The following GRM1 variants were observed in gnomAD, a reference collection of about 807,000 sequenced individuals.
GRM1 encodes the protein glutamate metabotropic receptor 1, also known as metabotropic glutamate receptor 1.
In GRM1, 33 loss-of-function variants were observed where a neutral mutation model predicts 90.9. The ratio of observed to expected loss-of-function variants is 0.36; its 90% CI spans 0.28 to 0.49. The LOEUF (loss-of-function observed/expected upper bound fraction) is 0.49, where lower values mean the gene tolerates loss of function less well. Among genes scored for constraint, GRM1 ranks in the 20% least tolerant of loss-of-function variants. The probability of loss-of-function intolerance (pLI) is 0.99; values close to 1 mark genes in which losing one functional copy is unlikely to be tolerated. For missense variants in GRM1, 1,190 were observed against 1,534.3 expected (o/e 0.78, Z 3.75); for synonymous variants, 700 against 613.2 (o/e 1.14, Z -2.09).
At position 146,263,754 on chromosome 6, in the gene GRM1, T is replaced by C. The variant is rs552713083; in HGVS notation, c.951-40857T>C. 5.3e-5 allele frequency among the ~76,000 whole-genome samples: 8 copies of C among 152,228 alleles called. No individual in the cohort carries two copies. The South Asian group carries it at 1.7e-3, about 32-fold the overall frequency. On this transcript the variant is annotated intron_variant, in intron 2 of 7. Coordinates refer to ENST00000282753, the MANE Select transcript of GRM1 (RefSeq NM_001278064.2). ...TAACAGAATGGCTAGTTTAATCTAT[T>C]ATACAAATCTAAGTACACATTTATA...
At chr6:146,151,272 C>A (rs1263634626) in intron 1 of GRM1, among the ~76,000 whole-genome samples, 1 of 152,140 alleles carries the variant, frequency 6.6e-6, no homozygotes, top group Non-Finnish European at 1.5e-5. Flanking sequence ...AGTGTACAAA[C>A]AAATATCTAC....
chr6:146,133,769 C>T (rs1776500361), intron 1 of GRM1, among the ~76,000 whole-genome samples: 1 of 152,318 alleles, frequency 6.6e-6, no homozygotes, highest in South Asian at 2.1e-4. Flanking sequence ...TCCTTGGCAA[C>T]ATGACGCCTC....
chr6:146,036,074 T>C (rs1790880649), intron 1 of GRM1, among the ~76,000 whole-genome samples: 1 of 152,028 alleles, frequency 6.6e-6, no homozygotes, highest in Non-Finnish European at 1.5e-5. Flanking sequence ...GTAGCCATCC[T>C]TCTACAAGTA....
At chr6:146,119,701 C>A (rs371303111) in intron 1 of GRM1, among the ~76,000 whole-genome samples, 1 of 152,078 alleles carries the variant, frequency 6.6e-6, no homozygotes, top group African/African-American at 2.4e-5. Context: ...ATAGGGAATC[C>A]TTTCTCTATT....
In GRM1 at chr6:146,217,118, A is replaced by G. The variant is rs921768871; in HGVS notation, c.950+57521A>G. On this transcript the variant is annotated intron_variant, in intron 2 of 7. Coordinates refer to ENST00000282753, the MANE Select transcript of GRM1 (RefSeq NM_001278064.2). ...TAATTTGAGAAGACAAGCATATATA[A>G]TTACCTAGTTATATTGATTCTTATA... is the stretch of plus-strand genomic sequence containing the variant. 4.6e-5 allele frequency among the ~76,000 whole-genome samples: 7 copies of G among 152,200 alleles called. 1 individual carries two copies. Among genetic ancestry groups the G allele is most frequent in the African/African-American group, 1.7e-4 (7 of 41,458 alleles).
Position 146,029,781 on chromosome 6 carries a change from G to A in GRM1, c.264G>A (p.Lys88=), listed in dbSNP as rs145861054. Residue 88 remains lysine (K), a synonymous_variant, in exon 1 of 8, where the codon AAG becomes AAA. Transcript: ENST00000282753. The part of the protein sequence containing the change: ...RVEAMFHTLD[K]INADPVLLPN... The stretch of plus-strand genomic sequence containing the variant: ...AGGCCATGTTCCACACGTTGGATAA[G>A]ATCAACGCGGACCCGGTCCTCCTGC... 175 of 1,614,082 alleles carry A rather than the reference G, an allele frequency of 1.1e-4. 1 individual carries two copies. In the African/African-American group the frequency reaches 2.0e-3, roughly 18 times the overall value.
intron 1 of GRM1, among the ~76,000 whole-genome samples, chr6:146,074,627 A>G (rs1016608800): frequency 6.6e-6 from 1 of 152,176 alleles, no homozygotes; most frequent in Admixed American, 6.6e-5. Context: ...TTATTAATAA[A>G]TTGTTGTTTG....
chr6:146,357,581 G>T lies in GRM1; in HGVS notation c.1489G>T (p.Val497Phe), dbSNP rs757559798. 1.9e-6 allele frequency: 3 copies of T among 1,613,538 alleles called. No homozygotes were observed. Among genetic ancestry groups the T allele is most frequent in the Non-Finnish European group, 1.7e-6 (2 of 1,179,546 alleles). The change falls in exon 5 of 8, where the codon GTT becomes TTT. Residue 497 changes from valine to phenylalanine, a missense_variant. Transcript: ENST00000282753. ...AGCTAATCGCTATGACTATGTGCAC[G>T]TTGGAACCTGGCATGAAGGAGTGCT... ...TEANRYDYVH[V>F]GTWHEGVLNI...
At chr6:146,429,814 C>T (rs760425251) in intron 7 of GRM1, among the ~76,000 whole-genome samples, 8 of 152,162 alleles carry the variant, frequency 5.3e-5, no homozygotes, top group Non-Finnish European at 1.0e-4. Flanking sequence ...AAATGCTACC[C>T]TCCTCAGGTT....
chr6:146,254,247 G>A (rs562106003), intron 2 of GRM1, among the ~76,000 whole-genome samples: 1 of 151,982 alleles, frequency 6.6e-6, no homozygotes, highest in Admixed American at 6.5e-5. Flanking sequence ...AGCTGTTCCT[G>A]TTTTTCCTCT....
intron 1 of GRM1, among the ~76,000 whole-genome samples, chr6:146,122,664 A>G (rs1776033315): frequency 6.6e-6 from 1 of 151,828 alleles, no homozygotes; most frequent in Admixed American, 6.6e-5. Flanking sequence ...TATCATTCTG[A>G]TATTTGGTAT....
chr6:146,106,525 C>T (rs578013919), intron 1 of GRM1, among the ~76,000 whole-genome samples: 4 of 152,286 alleles, frequency 2.6e-5, no homozygotes, highest in East Asian at 1.9e-4. Flanking sequence ...TAGTGTCCCA[C>T]GTGACACATC....
intron 2 of GRM1, among the ~76,000 whole-genome samples, chr6:146,180,464 A>T (rs1778508333): frequency 6.6e-6 from 1 of 152,176 alleles, no homozygotes; most frequent in African/African-American, 2.4e-5. Flanking sequence ...CTCTTTTAAA[A>T]GCAGAGGAAC....
At position 146,434,619 on chromosome 6, in the gene GRM1, A is replaced by C; in HGVS notation, c.3408A>C (p.Lys1136Asn). ...EEEEDLQAASKLTPDDSPALT... is the reference protein window; with the variant it reads ...EEEEDLQAASNLTPDDSPALT... The stretch of plus-strand genomic sequence containing the variant: ...AGGAGGACCTGCAGGCGGCCAGCAA[A>C]CTGACCCCGGATGATTCGCCTGCGC... Residue 1136 changes from lysine (K) to asparagine (N), a missense_variant, in exon 8 of 8, where the codon AAA becomes AAC. Physicochemically the swap from Lys to Asn is moderately conservative, Grantham distance 94. Coordinates refer to ENST00000282753, the MANE Select transcript of GRM1 (RefSeq NM_001278064.2). The C allele has an allele frequency of 1.2e-6, 2 of 1,612,750 alleles. No individual in the cohort carries two copies. The highest frequency in any genetic ancestry group is 2.2e-5 in the South Asian group (2 of 91,084).
In GRM1 at chr6:146,072,983, G is replaced by A. The variant is rs139875920; in HGVS notation, c.700+42766G>A. 9.0e-4 allele frequency among the ~76,000 whole-genome samples: 137 copies of A among 152,202 alleles called. 1 individual carries two copies. In the East Asian group the frequency reaches 0.023, roughly 26 times the overall value. On this transcript the variant is annotated intron_variant, in intron 1 of 7. Transcript: ENST00000282753. ...TGCACAGGGGTCTCAGTGGCCACCT[G>A]AATATGTATACTCAGATGCTTACAC...
intron 2 of GRM1, among the ~76,000 whole-genome samples, chr6:146,270,920 C>CTTT (rs1782124976): frequency 1.6e-5 from 1 of 63,756 alleles, no homozygotes; most frequent in African/African-American, 6.5e-5. Flanking sequence ...TTTCTTCCTT[C>CTTT]CTTCCTTCCT....
At chr6:146,313,549 G>C (rs901235535) in intron 3 of GRM1, among the ~76,000 whole-genome samples, 1 of 152,006 alleles carries the variant, frequency 6.6e-6, no homozygotes, top group African/African-American at 2.4e-5. Context: ...TGTATTTCAC[G>C]CCTTGTATAC....
chr6:146,214,868 G>A (rs1021759878), intron 2 of GRM1, among the ~76,000 whole-genome samples: 1 of 152,168 alleles, frequency 6.6e-6, no homozygotes, highest in Non-Finnish European at 1.5e-5. Flanking sequence ...AAAGGCATGA[G>A]AGATGCAACA....
intron 3 of GRM1, among the ~76,000 whole-genome samples, chr6:146,312,981 T>C (rs1166619436): frequency 6.6e-6 from 1 of 152,248 alleles, no homozygotes; most frequent in Non-Finnish European, 1.5e-5. Flanking sequence ...AACATGCACA[T>C]GTTCTGTCAT....
Sources: gnomAD v4.1 joint callset for allele counts (sites outside exome capture counted in the v4.1 genomes callset) on GRCh38, gnomAD v4.1.1 for gene constraint, MANE v1.5 for transcripts, NCBI Gene and HGNC (gene_info 2026-07-23, HGNC 2026-07-21) for gene names.